The following ASAP1 variants were observed in gnomAD, a reference collection of about 807,000 sequenced individuals.
ASAP1 encodes the protein arf-GAP with SH3 domain, ANK repeat and PH domain-containing protein 1.
ASAP1 carries 43 observed loss-of-function variants against 145.2 expected under a neutral mutation model. That is an observed-to-expected ratio of 0.30 (90% CI 0.23 to 0.38). The LOEUF is 0.38. Among genes scored for constraint, ASAP1 ranks in the 10% least tolerant of loss-of-function variants. ASAP1 has a pLI of 1.00. For missense variants in ASAP1, 1,018 were observed against 1,355.3 expected, an observed-to-expected ratio of 0.75 and a Z score of 3.91; for synonymous variants, 546 against 515.5, an observed-to-expected ratio of 1.06 and a Z score of -0.80.
intron 1 of ASAP1, among the ~76,000 whole-genome samples, chr8:130,438,570 C>T (rs1265432979): frequency 6.6e-6 from 1 of 152,192 alleles, no homozygotes; most frequent in East Asian, 1.9e-4. Flanking sequence ...CCCATCCCTT[C>T]CTGGGAGAGG....
chr8:130,361,583 T>C, intron 2 of ASAP1: 1 of 998,502 alleles, frequency 1.0e-6, no homozygotes, highest in Non-Finnish European at 1.5e-6. Flanking sequence ...AGGAATATGC[T>C]CACAATGAGA....
chr8:130,254,152 C>A (rs889520593), intron 3 of ASAP1, among the ~76,000 whole-genome samples: 1 of 152,158 alleles, frequency 6.6e-6, no homozygotes, highest in Admixed American at 6.5e-5. Flanking sequence ...AAAAATGCAG[C>A]GCAGGAGCTA....
At chr8:130,134,105 CTTA>C (rs2097588712) in intron 15 of ASAP1, among the ~76,000 whole-genome samples, 188 bp downstream of exon 15, 1 of 152,096 alleles carries the variant, frequency 6.6e-6, no homozygotes, top group Non-Finnish European at 1.5e-5. Context: ...GGTACCAGAG[CTTA>C]TTGAGTAGAC....
In ASAP1 at chr8:130,160,086, C is replaced by T. The variant is rs1357057855; in HGVS notation, c.910-122G>A. ...TAAGGGAATTATGGAACTTTAAGAG[C>T]TGTCAGGTCCTTTCCTTTATTTTAG... On this transcript the variant is annotated intron_variant, in intron 11 of 29. Coordinates refer to ENST00000518721, the MANE Select transcript of ASAP1 (RefSeq NM_018482.4). The T allele has an allele frequency of 6.4e-6, 5 of 778,530 alleles. No homozygotes were observed. In the Admixed American group the frequency reaches 1.1e-4, roughly 17 times the overall value. 48.2% of individuals were successfully genotyped at this position (778,530 alleles called of 1,614,324 possible). A position where few individuals can be genotyped will look rare whatever the true frequency, so the allele number is the denominator to read the frequency against.
intron 5 of ASAP1, among the ~76,000 whole-genome samples, chr8:130,211,767 T>C (rs1359963679): frequency 9.7e-6 from 1 of 103,382 alleles, no homozygotes; most frequent in Admixed American, 1.2e-4. Flanking sequence ...ATAATAGACT[T>C]TTGGTACTTG....
At chr8:130,285,593 G>C (rs899984916) in intron 3 of ASAP1, among the ~76,000 whole-genome samples, 3 of 152,154 alleles carry the variant, frequency 2.0e-5, no homozygotes, top group Non-Finnish European at 4.4e-5. Flanking sequence ...TCAGCCAATT[G>C]TAACTCTGAC....
At chr8:130,310,926 G>A (rs997377705) in intron 3 of ASAP1, among the ~76,000 whole-genome samples, 3 of 152,152 alleles carry the variant, frequency 2.0e-5, no homozygotes, top group Non-Finnish European at 2.9e-5. Context: ...TACAAGTTTG[G>A]GACTCAAGAC....
At chr8:130,227,693 A>C (rs1052089575) in intron 4 of ASAP1, among the ~76,000 whole-genome samples, 2 of 150,614 alleles carry the variant, frequency 1.3e-5, no homozygotes, top group Admixed American at 6.6e-5. Flanking sequence ...AGTATATAGT[A>C]TAGATAACAT....
At chr8:130,064,780 G>C (rs1313772167) in intron 27 of ASAP1, among the ~76,000 whole-genome samples, 3 of 152,136 alleles carry the variant, frequency 2.0e-5, no homozygotes, top group Non-Finnish European at 2.9e-5. Flanking sequence ...TGGAATTTCT[G>C]ACCAGTTGGC....
At chr8:130,119,309 C>G (rs1041499596) in intron 18 of ASAP1, among the ~76,000 whole-genome samples, 5 of 152,162 alleles carry the variant, frequency 3.3e-5, no homozygotes, top group Non-Finnish European at 7.3e-5. Context: ...AAGCAACTCC[C>G]CCAGGCCAGG....
At chr8:130,087,774 A>T (rs2097496907) in intron 25 of ASAP1, among the ~76,000 whole-genome samples, 1 of 152,194 alleles carries the variant, frequency 6.6e-6, no homozygotes, top group South Asian at 2.1e-4. Context: ...GAACCCATTG[A>T]TCTAAAAAAT....
intron 10 of ASAP1, among the ~76,000 whole-genome samples, chr8:130,167,967 G>C (rs1178188727): frequency 6.6e-6 from 1 of 152,166 alleles, no homozygotes; most frequent in Non-Finnish European, 1.5e-5. Flanking sequence ...AAATGGTCCA[G>C]GAGAGAATCC....
At chr8:130,071,441 T>C (rs1398507622) in intron 27 of ASAP1, among the ~76,000 whole-genome samples, 3 of 152,254 alleles carry the variant, frequency 2.0e-5, no homozygotes, top group Admixed American at 6.5e-5. Flanking sequence ...TCATTGGTTC[T>C]GCATCTATGT....
chr8:130,196,868 T>A (rs1815526628), intron 5 of ASAP1, among the ~76,000 whole-genome samples: 1 of 152,228 alleles, frequency 6.6e-6, no homozygotes, highest in South Asian at 2.1e-4. Context: ...AACTCCTTCA[T>A]GCCCTACAGA....
rs189035278 is a variant in ASAP1 at position 130,412,809 on chromosome 8, A to G, written c.-27-10839T>C. Among the ~76,000 whole-genome samples, 582 of 151,874 alleles carry G rather than the reference A, an allele frequency of 3.8e-3. 4 individuals carry two copies. Among genetic ancestry groups the G allele is most frequent in the African/African-American group, 0.014 (567 of 41,424 alleles). On this transcript the variant is annotated intron_variant, in intron 1 of 29. Coordinates refer to ENST00000518721, the MANE Select transcript of ASAP1 (RefSeq NM_018482.4). The stretch of plus-strand genomic sequence containing the variant: ...TGGGATTACAGGCACATGCCACTAC[A>G]CCTGGCTAATTTTTTAATAGAGATG...
chr8:130,297,337 T>C (rs1200922207), intron 3 of ASAP1, among the ~76,000 whole-genome samples: 1 of 152,212 alleles, frequency 6.6e-6, no homozygotes, highest in Non-Finnish European at 1.5e-5. Context: ...TCCTTATAAG[T>C]AGGTTTTGCA....
chr8:130,095,786 G>C (rs936450429), intron 24 of ASAP1, among the ~76,000 whole-genome samples: 77 of 148,750 alleles, frequency 5.2e-4, no homozygotes, highest in African/African-American at 1.8e-3. Context: ...ACCCGGCTAA[G>C]TTTTGTATTT....
At chr8:130,115,358 T>C (rs777605547) in intron 23 of ASAP1, among the ~76,000 whole-genome samples, 2 of 152,226 alleles carry the variant, frequency 1.3e-5, no homozygotes, top group Non-Finnish European at 2.9e-5. Context: ...GCCCTGTGCA[T>C]TTTGAACTTG....
At chr8:130,400,453 T>A (rs934530109) in intron 2 of ASAP1, among the ~76,000 whole-genome samples, 1 of 150,820 alleles carries the variant, frequency 6.6e-6, no homozygotes, top group African/African-American at 2.4e-5. Flanking sequence ...ATGGAATAAA[T>A]CATATCTCTA....
Sources: gnomAD v4.1 joint callset for allele counts (sites outside exome capture counted in the v4.1 genomes callset) on GRCh38, gnomAD v4.1.1 for gene constraint, MANE v1.5 for transcripts, NCBI Gene and HGNC (gene_info 2026-07-23, HGNC 2026-07-21) for gene names.